ARHGAP8: variants seen among roughly 807,000 people sequenced by gnomAD.
The protein encoded by ARHGAP8 is rho GTPase-activating protein 8.
In ARHGAP8, 62 loss-of-function variants were observed where a neutral mutation model predicts 46.1. The ratio of observed to expected loss-of-function variants is 1.34; its 90% CI spans 1.10 to 1.66. The LOEUF (loss-of-function observed/expected upper bound fraction) is 1.66, where lower values mean the gene tolerates loss of function less well. Ranked by LOEUF, ARHGAP8 falls within the 40% of genes most tolerant of loss-of-function variation. ARHGAP8 has a pLI of 0.00. For missense variants in ARHGAP8, 923 were observed against 568.4 expected, an observed-to-expected ratio of 1.62 and a Z score of -6.34; for synonymous variants, 375 against 243.1, an observed-to-expected ratio of 1.54 and a Z score of -5.05.
At chr22:44,806,163 A>C (rs1489467138) in intron 3 of ARHGAP8, among the ~76,000 whole-genome samples, 1 of 152,210 alleles carries the variant, frequency 6.6e-6, no homozygotes, top group African/African-American at 2.4e-5. Flanking sequence ...AAGAGTTCTC[A>C]GTGGTTCGTG....
chr22:44,844,837 T>G (rs1023767375), intron 7 of ARHGAP8, among the ~76,000 whole-genome samples: 3 of 152,128 alleles, frequency 2.0e-5, no homozygotes, highest in Non-Finnish European at 2.9e-5. Flanking sequence ...CATACTGAGT[T>G]TTTTAATTGA....
At chr22:44,846,882 T>G (rs12158937) in intron 8 of ARHGAP8, among the ~76,000 whole-genome samples, 2,371 of 148,888 alleles carry the variant, frequency 0.016, 74 homozygotes, top group African/African-American at 0.056. Context: ...GTTAGGGGGG[T>G]TGACCTTGTT....
chr22:44,839,481 G>A (rs555758586), intron 7 of ARHGAP8, among the ~76,000 whole-genome samples: 1 of 152,304 alleles, frequency 6.6e-6, no homozygotes, highest in South Asian at 2.1e-4. Flanking sequence ...AAGCACACTC[G>A]ATACCATGTG....
intron 1 of ARHGAP8, among the ~76,000 whole-genome samples, chr22:44,784,704 C>T (rs1208860434): frequency 2.0e-5 from 3 of 152,304 alleles, no homozygotes; most frequent in East Asian, 1.9e-4. Flanking sequence ...TCTGCAGAAT[C>T]GCTTTTGCCA....
rs199958233 is a variant in ARHGAP8 at position 44,862,332 on chromosome 22, G to A, written c.1039G>A (p.Gly347Arg). ...MNSSNLACVF[G>R]LNLIWPSQGV... ...CAGCTCTAACCTGGCCTGTGTCTTC[G>A]GGCTGAATTTGATCTGGCCATCCCA... Residue 347 changes from glycine to arginine, a missense_variant, in exon 12 of 12, where the codon GGG (glycine) becomes AGG (arginine). Gly to Arg is a moderately radical substitution (Grantham distance 125). Transcript: ENST00000356099. The A allele has an allele frequency of 5.0e-5, 80 of 1,613,738 alleles. No individual in the cohort carries two copies. The highest frequency in any genetic ancestry group is 4.2e-4 in the Admixed American group (25 of 59,982).
rs149336911 is a variant in ARHGAP8, at chr22:44,859,591, A to C, written c.878-140A>C. ...GAGCAGAGCCATACGGCCAGAAGAT[A>C]AGTGGGGGTCCCAAGCCCAAATGTG... On this transcript the variant is annotated intron_variant, in intron 10 of 11. Transcript: ENST00000356099. 8.0e-4 allele frequency: 651 copies of C among 810,540 alleles called. 5 individuals are homozygous for C. The African/African-American group carries it at 9.2e-3, about 11-fold the overall frequency. 50.2% of individuals were successfully genotyped at this position (810,540 alleles called of 1,614,324 possible). A position where few individuals can be genotyped will look rare whatever the true frequency, so the allele number is the denominator to read the frequency against.
intron 10 of ARHGAP8, among the ~76,000 whole-genome samples, chr22:44,857,244 G>A (rs1397038133): frequency 6.6e-6 from 1 of 152,096 alleles, no homozygotes; most frequent in African/African-American, 2.4e-5. Context: ...CCAGTCTTGA[G>A]TAAGAATTCT....
At chr22:44,783,817 G>A (rs1451042805) in intron 1 of ARHGAP8, among the ~76,000 whole-genome samples, 1 of 152,132 alleles carries the variant, frequency 6.6e-6, no homozygotes, top group Non-Finnish European at 1.5e-5. Context: ...GCCCTTTGCT[G>A]CCCACATTCC....
At chr22:44,772,338 G>A (rs913527818) in intron 1 of ARHGAP8, among the ~76,000 whole-genome samples, 5 of 64,598 alleles carry the variant, frequency 7.7e-5, no homozygotes, top group African/African-American at 2.9e-4. Context: ...CTTTTTTTTT[G>A]TATTTTCTTT....
intron 10 of ARHGAP8, among the ~76,000 whole-genome samples, chr22:44,856,645 A>G (rs984379465): frequency 2.9e-5 from 4 of 137,098 alleles, no homozygotes; most frequent in Non-Finnish European, 4.7e-5. Context: ...CTGGCCATAA[A>G]GGCAAGTTCT....
At chr22:44,856,772 C>T (rs1023011705) in intron 10 of ARHGAP8, among the ~76,000 whole-genome samples, 1 of 143,532 alleles carries the variant, frequency 7.0e-6, no homozygotes, top group East Asian at 2.0e-4. Flanking sequence ...GGCTGAAGAT[C>T]ACCGAGGACT....
chr22:44,862,729 C>T lies in ARHGAP8; in HGVS notation c.*134C>T, dbSNP rs2070563101. The T allele has an allele frequency of 2.7e-6, 3 of 1,120,976 alleles. No homozygotes were observed. Among genetic ancestry groups the T allele is most frequent in the Non-Finnish European group, 3.7e-6 (3 of 819,204 alleles). The allele number at this position is 1,120,976 out of a possible 1,614,324, so 69.4% of individuals were successfully genotyped here. ...GAACCTTCTAATGAAAACTCCATGC[C>T]TCTGGTCCTTGGACTCTTGTCCATG... On this transcript the variant is annotated 3_prime_UTR_variant, in exon 12 of 12. Transcript: ENST00000356099.
chr22:44,763,172 G>A (rs1395908051), intron 1 of ARHGAP8, among the ~76,000 whole-genome samples: 3 of 151,954 alleles, frequency 2.0e-5, no homozygotes, highest in African/African-American at 4.8e-5. Flanking sequence ...TCATTCAATG[G>A]GCTTGGTTCC....
chr22:44,852,418 G>A (rs889940895), intron 10 of ARHGAP8, among the ~76,000 whole-genome samples: 14 of 152,082 alleles, frequency 9.2e-5, no homozygotes, highest in Non-Finnish European at 1.5e-4. Context: ...CAGAAGTAGG[G>A]GGAGTCAGAG....
chr22:44,852,293 A>G (rs529933733), intron 10 of ARHGAP8, among the ~76,000 whole-genome samples: 10 of 150,996 alleles, frequency 6.6e-5, no homozygotes, highest in African/African-American at 2.2e-4. Flanking sequence ...TTTGGTGAAG[A>G]GTGGAAAGTC....
At chr22:44,761,142 C>T (rs557585610) in intron 1 of ARHGAP8, among the ~76,000 whole-genome samples, 1 of 152,334 alleles carries the variant, frequency 6.6e-6, no homozygotes, top group African/African-American at 2.4e-5. Flanking sequence ...GGGCTTGGTC[C>T]TCGTGAAACT....
At chr22:44,841,272 C>T (rs1204795900) in intron 7 of ARHGAP8, among the ~76,000 whole-genome samples, 5 of 152,126 alleles carry the variant, frequency 3.3e-5, no homozygotes, top group African/African-American at 1.2e-4. Context: ...TCTGTGCGAG[C>T]GTGATTTGCC....
intron 8 of ARHGAP8, among the ~76,000 whole-genome samples, chr22:44,846,442 G>A (rs1258150381): frequency 2.0e-5 from 3 of 152,204 alleles, no homozygotes; most frequent in Non-Finnish European, 4.4e-5. Context: ...GGTGGCATCA[G>A]TGAGCAGATG....
intron 1 of ARHGAP8, among the ~76,000 whole-genome samples, chr22:44,781,928 G>A (rs931148901): frequency 6.6e-6 from 1 of 152,200 alleles, no homozygotes; most frequent in Non-Finnish European, 1.5e-5. Flanking sequence ...CTGACCTCCT[G>A]GGCTCAGTCG....
Sources: gnomAD v4.1 joint callset for allele counts (sites outside exome capture counted in the v4.1 genomes callset) on GRCh38, gnomAD v4.1.1 for gene constraint, MANE v1.5 for transcripts, NCBI Gene and HGNC (gene_info 2026-07-23, HGNC 2026-07-21) for gene names.